KCNJ1: variants seen among roughly 807,000 people sequenced by gnomAD.
KCNJ1 encodes the protein ATP-sensitive inward rectifier potassium channel 1.
A neutral mutation model predicts 21.9 loss-of-function variants in KCNJ1; 24 were observed. The ratio of observed to expected loss-of-function variants is 1.10; its 90% CI spans 0.79 to 1.54. The LOEUF (loss-of-function observed/expected upper bound fraction) is 1.54, where lower values mean the gene tolerates loss of function less well. Among genes scored for constraint, KCNJ1 ranks in the 40% most tolerant of loss-of-function variants. KCNJ1 has a pLI of 0.00. For synonymous variants in KCNJ1, 152 were observed against 160.9 expected (o/e 0.94, Z 0.42); for missense variants, 457 against 455.4 (o/e 1.00, Z -0.03).
In KCNJ1 at chr11:128,839,390, G is replaced by A; in HGVS notation, c.854C>T (p.Thr285Ile). 3 of 1,614,122 alleles carry A rather than the reference G, an allele frequency of 1.9e-6. No homozygotes were observed. The highest frequency in any genetic ancestry group is 2.5e-6 in the Non-Finnish European group (3 of 1,180,010). The change falls in exon 3 of 3, where the codon ACC becomes ATC. Residue 285 changes from threonine to isoleucine, a missense_variant. By Grantham distance (89) the Thr-to-Ile change is moderately conservative. Transcript: ENST00000392666. ...TGTCCGGACTTGGCAGGTAGCACTG[G>A]TGGACTCCACTGTGCCATCTAAAAA... ...VVFLDGTVES[T>I]SATCQVRTSY...
intron 2 of KCNJ1, among the ~76,000 whole-genome samples, chr11:128,845,241 GT>G (rs763235732): frequency 1.1e-4 from 16 of 152,210 alleles, no homozygotes; most frequent in South Asian, 8.3e-4. Flanking sequence ...CAAGGTAACA[GT>G]CCCTGCTCTC....
chr11:128,862,385 G>A (rs1296978967), intron 1 of KCNJ1, among the ~76,000 whole-genome samples: 7 of 152,172 alleles, frequency 4.6e-5, no homozygotes, highest in South Asian at 2.1e-4. Flanking sequence ...ATGTTGGAAA[G>A]GACTCTCAGA....
intron 2 of KCNJ1, among the ~76,000 whole-genome samples, chr11:128,844,119 A>C (rs1488274691): frequency 6.6e-6 from 1 of 152,258 alleles, no homozygotes; most frequent in Non-Finnish European, 1.5e-5. Flanking sequence ...AAAATCAATG[A>C]GCTTACTGTC....
At chr11:128,844,298 A>G (rs1262131244) in intron 2 of KCNJ1, among the ~76,000 whole-genome samples, 5 of 152,250 alleles carry the variant, frequency 3.3e-5, no homozygotes, top group Non-Finnish European at 7.3e-5. Flanking sequence ...AATGGAGCAT[A>G]GAAAGCCTCA....
At chr11:128,841,490 T>C (rs1196557202) in intron 2 of KCNJ1, among the ~76,000 whole-genome samples, 1 of 152,122 alleles carries the variant, frequency 6.6e-6, no homozygotes, top group East Asian at 1.9e-4. Context: ...AAACCCAAAG[T>C]CATAAACGCT....
chr11:128,851,695 G>A (rs1358960173), intron 1 of KCNJ1, among the ~76,000 whole-genome samples: 7 of 152,190 alleles, frequency 4.6e-5, no homozygotes, highest in Admixed American at 2.0e-4. Flanking sequence ...CCATGTGGAC[G>A]GGAGGCCTGA....
At chr11:128,862,960 A>G (rs1298347272) in intron 1 of KCNJ1, among the ~76,000 whole-genome samples, 1 of 152,208 alleles carries the variant, frequency 6.6e-6, no homozygotes, top group African/African-American at 2.4e-5. Context: ...TTCTCCTGTG[A>G]AAAGACCCAC....
intron 1 of KCNJ1, among the ~76,000 whole-genome samples, chr11:128,859,636 G>A (rs569941513): frequency 1.3e-5 from 2 of 152,178 alleles, no homozygotes; most frequent in Admixed American, 6.5e-5. Flanking sequence ...TCTAAGGCAG[G>A]AGGGAAAAGG....
At chr11:128,861,451 C>T (rs1410460561) in intron 1 of KCNJ1, among the ~76,000 whole-genome samples, 2 of 152,122 alleles carry the variant, frequency 1.3e-5, no homozygotes, top group Non-Finnish European at 2.9e-5. Flanking sequence ...AGCGGGTATC[C>T]CTGGGACCTC....
intron 1 of KCNJ1, among the ~76,000 whole-genome samples, chr11:128,861,524 A>G (rs1344940824): frequency 6.6e-6 from 1 of 152,142 alleles, no homozygotes; most frequent in Non-Finnish European, 1.5e-5. Context: ...TATGGGATAG[A>G]CCCAGGCAAC....
chr11:128,861,190 C>T (rs1486051888), intron 1 of KCNJ1, among the ~76,000 whole-genome samples: 1 of 152,222 alleles, frequency 6.6e-6, no homozygotes, highest in Non-Finnish European at 1.5e-5. Context: ...CTCCCTAACC[C>T]ACATGGCTAC....
chr11:128,840,049 GA>G lies in KCNJ1; in HGVS notation c.194del (p.Phe65SerfsTer19), dbSNP rs1403952161. The G allele has an allele frequency of 6.2e-7, 1 of 1,614,088 alleles. No individual in the cohort carries two copies. The highest frequency in any genetic ancestry group is 1.3e-5 in the African/African-American group (1 of 74,946). On this transcript the variant is annotated frameshift_variant, in exon 3 of 3. Coordinates refer to ENST00000392666, the MANE Select transcript of KCNJ1 (RefSeq NM_153766.3). LOFTEE classifies it high-confidence loss of function. ...ACCAACTCCCCAAGAAGGCTGTGAT[GA>G]AAATGGTCATTTTGTATCTCCACTT... ...DLKWRYKMTI[F>X]ITAFLGSWFF...
At chr11:128,859,363 C>T (rs1400116694) in intron 1 of KCNJ1, among the ~76,000 whole-genome samples, 1 of 152,194 alleles carries the variant, frequency 6.6e-6, no homozygotes, top group African/African-American at 2.4e-5. Flanking sequence ...ATGGGATCCT[C>T]CCGCCTCAGC....
intron 2 of KCNJ1, among the ~76,000 whole-genome samples, chr11:128,847,187 A>T (rs765426150): frequency 6.6e-6 from 1 of 152,162 alleles, no homozygotes. Context: ...GCATCACCTG[A>T]AACATGCCCA....
chr11:128,841,817 CAT>C (rs1943286763), intron 2 of KCNJ1, among the ~76,000 whole-genome samples: 1 of 152,074 alleles, frequency 6.6e-6, no homozygotes, highest in Non-Finnish European at 1.5e-5. Context: ...GTTCTAAAGA[CAT>C]AAAAAAAGAA....
intron 1 of KCNJ1, among the ~76,000 whole-genome samples, chr11:128,854,289 T>C (rs1943541024): frequency 1.3e-5 from 2 of 152,192 alleles, no homozygotes; most frequent in Non-Finnish European, 2.9e-5. Flanking sequence ...AGCACATCTT[T>C]TGTTTGAATG....
intron 2 of KCNJ1, among the ~76,000 whole-genome samples, chr11:128,848,875 A>T (rs188818800): frequency 6.6e-6 from 1 of 152,352 alleles, no homozygotes; most frequent in Non-Finnish European, 1.5e-5. Flanking sequence ...CAAGGCACAG[A>T]TGAATGAAGA....
rs1023418064 is a variant in KCNJ1, at chr11:128,840,038, A to C, written c.206T>G (p.Phe69Cys). ...ACCAAAGAAAAACCAACTCCCCAAG[A>C]AGGCTGTGATGAAAATGGTCATTTT... ...RYKMTIFITA[F>C]LGSWFFFGLL... is the part of the protein sequence containing the mutation. The change falls in exon 3 of 3, where the codon TTC (phenylalanine) becomes TGC (cysteine). Residue 69 changes from phenylalanine (F) to cysteine (C), a missense_variant. Transcript: ENST00000392666. The C allele has an allele frequency of 1.9e-6, 3 of 1,614,082 alleles. No individual in the cohort carries two copies. In the African/African-American group the frequency reaches 4.0e-5, roughly 22 times the overall value.
intron 2 of KCNJ1, among the ~76,000 whole-genome samples, chr11:128,850,205 T>A (rs995647538): frequency 6.6e-6 from 1 of 151,998 alleles, no homozygotes; most frequent in African/African-American, 2.4e-5. Context: ...CTTGCCAACT[T>A]CTTGACCTCA....
Sources: allele counts gnomAD v4.1 joint callset (sites outside exome capture counted in the v4.1 genomes callset), GRCh38; gene constraint gnomAD v4.1.1; transcripts MANE v1.5; gene names NCBI Gene and HGNC (gene_info 2026-07-23, HGNC 2026-07-21).